PTPRM: variants seen among roughly 807,000 people sequenced by gnomAD.
PTPRM encodes the protein receptor-type tyrosine-protein phosphatase mu.
Under a neutral mutation model 186.7 loss-of-function variants are expected in PTPRM, and 47 were observed. The observed-to-expected ratio is 0.25, with a 90% CI of 0.20 to 0.32. PTPRM has a LOEUF of 0.32. Ranked by LOEUF, PTPRM falls within the 10% of genes least tolerant of loss-of-function variation. PTPRM has a pLI of 1.00. For synonymous variants in PTPRM, 668 were observed against 674.9 expected, an observed-to-expected ratio of 0.99 and a Z score of 0.16; for missense variants, 1,494 against 1,865.0, an observed-to-expected ratio of 0.80 and a Z score of 3.66.
chr18:8,330,243 G>C (rs1373335305), intron 22 of PTPRM, among the ~76,000 whole-genome samples: 3 of 152,074 alleles, frequency 2.0e-5, no homozygotes, highest in Non-Finnish European at 2.9e-5. Context: ...CACAGTTTAG[G>C]ACCAGTTTTT....
chr18:7,674,344 T>C (rs2039286364), intron 1 of PTPRM, among the ~76,000 whole-genome samples: 3 of 152,170 alleles, frequency 2.0e-5, no homozygotes, highest in Admixed American at 2.0e-4. Flanking sequence ...CCTCTTCCAC[T>C]GTAGCTAGAG....
At chr18:8,310,465 CCTT>C (rs948102539) in intron 20 of PTPRM, among the ~76,000 whole-genome samples, 9 of 149,308 alleles carry the variant, frequency 6.0e-5, no homozygotes, top group African/African-American at 2.2e-4. Context: ...ACCACACCAA[CCTT>C]CTTTGGTTTC....
At chr18:8,218,892 G>T (rs1441193327) in intron 14 of PTPRM, among the ~76,000 whole-genome samples, 1 of 152,152 alleles carries the variant, frequency 6.6e-6, no homozygotes, top group Non-Finnish European at 1.5e-5. Flanking sequence ...AGTAACTCTT[G>T]GTTCTTAGAA....
At chr18:8,311,667 C>G (rs2095269803) in intron 20 of PTPRM, among the ~76,000 whole-genome samples, 2 of 152,166 alleles carry the variant, frequency 1.3e-5, no homozygotes, top group Admixed American at 6.5e-5. Context: ...AGGAAGTCAA[C>G]TGTACATGTG....
chr18:7,725,060 G>T (rs1255289490), intron 1 of PTPRM, among the ~76,000 whole-genome samples: 1 of 152,074 alleles, frequency 6.6e-6, no homozygotes, highest in Admixed American at 6.6e-5. Context: ...AGAGACAAAG[G>T]GTCTTCAGTA....
At chr18:7,689,105 T>A (rs1376709072) in intron 1 of PTPRM, among the ~76,000 whole-genome samples, 1 of 152,054 alleles carries the variant, frequency 6.6e-6, no homozygotes, top group Non-Finnish European at 1.5e-5. Context: ...GGAAAGAGGA[T>A]AGGTATGTAG....
At chr18:7,675,379 C>G (rs1334164414) in intron 1 of PTPRM, among the ~76,000 whole-genome samples, 1 of 152,124 alleles carries the variant, frequency 6.6e-6, no homozygotes, top group East Asian at 1.9e-4. Flanking sequence ...TGAATAACAT[C>G]CGCTGTGCGA....
intron 7 of PTPRM, among the ~76,000 whole-genome samples, chr18:7,986,405 G>A (rs1208350799): frequency 6.6e-6 from 1 of 152,200 alleles, no homozygotes; most frequent in Non-Finnish European, 1.5e-5. Flanking sequence ...AAACACAGTA[G>A]AACTTATTCA....
rs565834165 is a variant in PTPRM at position 7,575,326 on chromosome 18, C to G, written c.73+7435C>G. 3.4e-3 allele frequency among the ~76,000 whole-genome samples: 511 copies of G among 152,316 alleles called. 3 individuals are homozygous for G. Among genetic ancestry groups the G allele is most frequent in the Non-Finnish European group, 5.7e-3 (389 of 68,026 alleles). On this transcript the variant is annotated intron_variant, in intron 1 of 32. Coordinates refer to ENST00000580170, the MANE Select transcript of PTPRM (RefSeq NM_001105244.2). ...GGTGTAGCTGCGTCCCTTAACCCCC[C>G]TGCCTGAGCCAAGCAAGGTCCAGCC...
At chr18:7,799,052 T>C (rs938181133) in intron 2 of PTPRM, among the ~76,000 whole-genome samples, 8 of 152,324 alleles carry the variant, frequency 5.3e-5, no homozygotes, top group African/African-American at 1.9e-4. Flanking sequence ...TTAGTCTGTT[T>C]GTGTTGCTAT....
chr18:8,115,201 A>G (rs142107879), intron 13 of PTPRM, among the ~76,000 whole-genome samples: 13 of 152,320 alleles, frequency 8.5e-5, no homozygotes, highest in African/African-American at 3.1e-4. Flanking sequence ...CAAAGGAATA[A>G]AATATCACCC....
At chr18:7,619,850 A>G (rs1412146621) in intron 1 of PTPRM, among the ~76,000 whole-genome samples, 1 of 152,128 alleles carries the variant, frequency 6.6e-6, no homozygotes, top group Non-Finnish European at 1.5e-5. Flanking sequence ...ATTAAATGTC[A>G]CTTCTGAGCA....
At chr18:8,308,756 A>G (rs1014243063) in intron 20 of PTPRM, among the ~76,000 whole-genome samples, 4 of 152,234 alleles carry the variant, frequency 2.6e-5, no homozygotes, top group Admixed American at 2.6e-4. Context: ...TGTAACATAT[A>G]TCTCTGTTAT....
chr18:7,805,529 T>C (rs2044191564), intron 2 of PTPRM, among the ~76,000 whole-genome samples: 1 of 152,236 alleles, frequency 6.6e-6, no homozygotes, highest in South Asian at 2.1e-4. Context: ...AGTTGAGCTT[T>C]ATATTCCCAC....
rs557766971 is a variant in PTPRM at position 8,372,056 on chromosome 18, CTT to C, written c.3171+1075_3171+1076del. Among the ~76,000 whole-genome samples, 478 of 59,018 alleles carry C rather than the reference CTT, an allele frequency of 8.1e-3. 8 individuals are homozygous for C. The highest frequency in any genetic ancestry group is 0.022 in the African/African-American group (431 of 19,252). 38.7% of individuals were successfully genotyped at this position (59,018 alleles called of 152,430 possible). A position where few individuals can be genotyped will look rare whatever the true frequency, so the allele number is the denominator to read the frequency against. On this transcript the variant is annotated intron_variant, in intron 24 of 32. Transcript: ENST00000580170. ...TTGGCCTTCCTCTCCACTCTATATT[CTT>C]TTTTTTTTTTTTTTTTTTTTTTTTA...
chr18:8,083,119 G>T (rs550779273), intron 9 of PTPRM, among the ~76,000 whole-genome samples: 1 of 152,162 alleles, frequency 6.6e-6, no homozygotes, highest in East Asian at 1.9e-4. Context: ...GGACTCTGCT[G>T]TACTTCCTAG....
At chr18:8,371,229 T>A (rs994657560) in intron 24 of PTPRM, among the ~76,000 whole-genome samples, 8 of 152,246 alleles carry the variant, frequency 5.3e-5, no homozygotes, top group Non-Finnish European at 1.0e-4. Flanking sequence ...ATTTTGCAAG[T>A]AAACCAAAAG....
At chr18:7,593,341 G>T (rs572270699) in intron 1 of PTPRM, among the ~76,000 whole-genome samples, 3 of 152,176 alleles carry the variant, frequency 2.0e-5, no homozygotes, top group Non-Finnish European at 2.9e-5. Context: ...CCACTTGAGC[G>T]GAAAGTAATT....
intron 2 of PTPRM, among the ~76,000 whole-genome samples, chr18:7,826,021 A>G (rs1476078580): frequency 6.6e-6 from 1 of 152,180 alleles, no homozygotes; most frequent in Non-Finnish European, 1.5e-5. Context: ...AGTGGCTCTC[A>G]GAGCACCTTG....
Sources: allele counts gnomAD v4.1 joint callset (sites outside exome capture counted in the v4.1 genomes callset), GRCh38; gene constraint gnomAD v4.1.1; transcripts MANE v1.5; gene names NCBI Gene and HGNC (gene_info 2026-07-23, HGNC 2026-07-21).